Variants in HLA-DRA observed in about 807,000 individuals in gnomAD.
HLA-DRA encodes major histocompatibility complex, class II, DR alpha.
In HLA-DRA, 8 loss-of-function variants were observed where a neutral mutation model predicts 22.1. That is an observed-to-expected ratio of 0.36 (90% CI 0.21 to 0.65). The LOEUF is 0.65. Among genes scored for constraint, HLA-DRA ranks in the 30% least tolerant of loss-of-function variants. HLA-DRA has a pLI of 0.63. For synonymous variants in HLA-DRA, 101 were observed against 117.1 expected, an observed-to-expected ratio of 0.86 and a Z score of 0.89; for missense variants, 248 against 321.3, an observed-to-expected ratio of 0.77 and a Z score of 1.74.
chr6:32,444,424 C>A (rs1423918459), intron 4 of HLA-DRA, among the ~76,000 whole-genome samples: 2 of 152,106 alleles, frequency 1.3e-5, no homozygotes, highest in African/African-American at 4.8e-5. Context: ...GCTTTTGCTT[C>A]TTTAGTCTCA....
At chr6:32,441,762 CT>C (rs1762635509) in intron 1 of HLA-DRA, among the ~76,000 whole-genome samples, 1 of 152,176 alleles carries the variant, frequency 6.6e-6, no homozygotes, top group Admixed American at 6.5e-5. Flanking sequence ...AGAGAAGCTT[CT>C]GACTCTAAAA....
rs1271181795 is a variant in HLA-DRA at position 32,443,807 on chromosome 6, C to T, written c.662C>T (p.Ala221Val). 1.2e-6 allele frequency: 2 copies of T among 1,612,018 alleles called. No homozygotes were observed. Among genetic ancestry groups the T allele is most frequent in the South Asian group, 2.2e-5 (2 of 90,844 alleles). ...GAGACTACAGAGAACGTGGTGTGTG[C>T]CCTGGGCCTGACTGTGGGTCTGGTG... ...LPETTENVVC[A>V]LGLTVGLVGI... is the part of the protein sequence containing the mutation. The change falls in exon 4 of 5, where the codon GCC becomes GTC. Residue 221 changes from alanine (A) to valine (V), a missense_variant. Ala to Val is a moderately conservative substitution (Grantham distance 64, BLOSUM62 0). Transcript: ENST00000395388.
At chr6:32,440,600 G>T (rs886993733) in intron 1 of HLA-DRA, among the ~76,000 whole-genome samples, 2 of 152,202 alleles carry the variant, frequency 1.3e-5, no homozygotes, top group African/African-American at 4.8e-5. Flanking sequence ...GGGAGGGAAG[G>T]CATGCTGATA....
rs754420534 is a variant in HLA-DRA at position 32,442,588 on chromosome 6, C to T, written c.223C>T (p.Arg75Ter). The T allele has an allele frequency of 1.5e-5, 24 of 1,612,932 alleles. No individual in the cohort carries two copies. The highest frequency in any genetic ancestry group is 2.2e-5 in the East Asian group (1 of 44,896). Residue 75 changes from arginine (R) to a stop codon, truncating the protein, a stop_gained, in exon 2 of 5, where the codon CGA (arginine) becomes TGA (stop). Coordinates refer to ENST00000395388, the MANE Select transcript of HLA-DRA (RefSeq NM_019111.5). LOFTEE classifies it high-confidence loss of function. ...GGTCTGGCGGCTTGAAGAATTTGGA[C>T]GATTTGCCAGCTTTGAGGCTCAAGG... ...ETVWRLEEFGRFASFEAQGAL... is the reference protein window; with the variant it reads ...ETVWRLEEFG
intron 4 of HLA-DRA, among the ~76,000 whole-genome samples, chr6:32,444,302 C>T (rs976085104): frequency 6.6e-6 from 1 of 152,162 alleles, no homozygotes; most frequent in African/African-American, 2.4e-5. Flanking sequence ...CACATCCTAG[C>T]TTGTATTTCC....
chr6:32,443,946 G>C, intron 4 of HLA-DRA, 25 bp downstream of exon 4: 1 of 1,477,574 alleles, frequency 6.8e-7, no homozygotes, highest in Non-Finnish European at 9.0e-7. Flanking sequence ...GTCAGAGGAA[G>C]ACGTATATGG....
chr6:32,443,275 C>G lies in HLA-DRA; in HGVS notation c.419C>G (p.Pro140Arg). 6.2e-7 allele frequency: 1 copy of G among 1,612,974 alleles called. No individual in the cohort carries two copies. Among genetic ancestry groups the G allele is most frequent in the Non-Finnish European group, 8.5e-7 (1 of 1,179,958 alleles). The change falls in exon 3 of 5, where the codon CCA becomes CGA. Residue 140 changes from proline to arginine, a missense_variant. Transcript: ENST00000395388. The part of the protein sequence containing the change: ...LICFIDKFTP[P>R]VVNVTWLRNG... ...TGTTTCATAGACAAGTTCACCCCAC[C>G]AGTGGTCAATGTCACGTGGCTTCGA...
chr6:32,444,234 T>C (rs1014227372), intron 4 of HLA-DRA, among the ~76,000 whole-genome samples: 5 of 133,560 alleles, frequency 3.7e-5, no homozygotes, highest in African/African-American at 8.1e-5. Flanking sequence ...ATATGGAGTC[T>C]AGGGATCTAG....
intron 2 of HLA-DRA, 43 bp downstream of exon 2, chr6:32,442,736 G>C: frequency 1.2e-6 from 2 of 1,605,288 alleles, no homozygotes; most frequent in Non-Finnish European, 1.7e-6. Flanking sequence ...GGAATCCATA[G>C]TTTGAAAGTA....
rs1762738063 is a variant in HLA-DRA at position 32,443,382 on chromosome 6, C to G, written c.526C>G (p.Leu176Val). The change falls in exon 3 of 5, where the codon CTC (leucine) becomes GTC (valine). Residue 176 changes from leucine to valine, a missense_variant. Leu to Val is a conservative substitution (Grantham distance 32). Coordinates refer to ENST00000395388, the MANE Select transcript of HLA-DRA (RefSeq NM_019111.5). ...CCACCTTTTCCGCAAGTTCCACTAT[C>G]TCCCCTTCCTGCCCTCAACTGAGGA... ...EDHLFRKFHY[L>V]PFLPSTEDVY... 6.2e-7 allele frequency: 1 copy of G among 1,612,908 alleles called. No homozygotes were observed. Among genetic ancestry groups the G allele is most frequent in the Non-Finnish European group, 8.5e-7 (1 of 1,179,880 alleles).
intron 1 of HLA-DRA, 46 bp from the exon 2 acceptor site, chr6:32,442,402 T>C: frequency 6.2e-7 from 1 of 1,610,304 alleles, no homozygotes; most frequent in East Asian, 2.2e-5. Context: ...TTTCCCTCTC[T>C]TGATTCCCCC....
Position 32,444,917 on chromosome 6 carries a change from A to G in HLA-DRA, c.*277A>G, listed in dbSNP as rs1287255820. The G allele has an allele frequency of 6.5e-6, 1 of 154,334 alleles. No homozygotes were observed. Among genetic ancestry groups the G allele is most frequent in the Non-Finnish European group, 1.5e-5 (1 of 68,214 alleles). 9.6% of individuals were successfully genotyped at this position (154,334 alleles called of 1,614,324 possible). On this transcript the variant is annotated 3_prime_UTR_variant, in exon 5 of 5. Transcript: ENST00000395388. ...TATCACCATGCAATGCCTCTGGAAT[A>G]AAACATACAGGAGTCTGTCTCTGCT...
Position 32,443,389 on chromosome 6 carries a change from T to TC in HLA-DRA, c.535dup (p.Leu179ProfsTer5). The TC allele has an allele frequency of 6.2e-7, 1 of 1,612,948 alleles. No homozygotes were observed. Among genetic ancestry groups the TC allele is most frequent in the Non-Finnish European group, 8.5e-7 (1 of 1,179,912 alleles). On this transcript the variant is annotated frameshift_variant, in exon 3 of 5. Coordinates refer to ENST00000395388, the MANE Select transcript of HLA-DRA (RefSeq NM_019111.5). LOFTEE classifies it high-confidence loss of function. ...TTCCGCAAGTTCCACTATCTCCCCT[T>TC]CCTGCCCTCAACTGAGGACGTTTAC...
In HLA-DRA at chr6:32,443,195, G is replaced by T; in HGVS notation, c.339G>T (p.Glu113Asp). 1 of 1,612,428 alleles carries T rather than the reference G, an allele frequency of 6.2e-7. No homozygotes were observed. Among genetic ancestry groups the T allele is most frequent in the Admixed American group, 1.7e-5 (1 of 60,032 alleles). Residue 113 changes from glutamate to aspartate, a missense_variant, in exon 3 of 5, where the codon GAG becomes GAT. Coordinates refer to ENST00000395388, the MANE Select transcript of HLA-DRA (RefSeq NM_019111.5). ...NYTPITNVPP[E>D]VTVLTNSPVE... Reference sequence around the variant, plus strand: ...TCATGTGTCCCCCAGTACCTCCAGAGGTAACTGTGCTCACAAACAGCCCTG... The same window carrying T: ...TCATGTGTCCCCCAGTACCTCCAGATGTAACTGTGCTCACAAACAGCCCTG...
At position 32,443,796 on chromosome 6, in the gene HLA-DRA, C is replaced by T. The variant is rs11544315; in HGVS notation, c.651C>T (p.Asn217=). The change falls in exon 4 of 5, where the codon AAC becomes AAT. Residue 217 remains asparagine (N), a synonymous_variant. Transcript: ENST00000395388. ...GCCCTCTCCCAGAGACTACAGAGAA[C>T]GTGGTGTGTGCCCTGGGCCTGACTG... The part of the protein sequence containing the change: ...APSPLPETTE[N]VVCALGLTVG... 55,723 of 1,610,698 alleles carry T rather than the reference C, an allele frequency of 0.035. 1,205 individuals carry two copies. Among genetic ancestry groups the T allele is most frequent in the South Asian group, 0.051 (4,589 of 90,610 alleles).
intron 3 of HLA-DRA, 43 bp downstream of exon 3, chr6:32,443,509 C>T (rs60110771): frequency 0.013 from 20,447 of 1,549,468 alleles, 700 homozygotes; most frequent in South Asian, 0.093. Flanking sequence ...AGGTTTCCTC[C>T]TATGATGCTT....
rs557064975 is a variant in HLA-DRA at position 32,441,251 on chromosome 6, G to A, written c.83-1197G>A. 1.8e-3 allele frequency among the ~76,000 whole-genome samples: 271 copies of A among 152,246 alleles called. 1 individual carries two copies. The highest frequency in any genetic ancestry group is 6.8e-3 in the Middle Eastern group (2 of 294). On this transcript the variant is annotated intron_variant, in intron 1 of 4. Coordinates refer to ENST00000395388, the MANE Select transcript of HLA-DRA (RefSeq NM_019111.5). ...CACACGCCTGTAGTCCCAGCTACTC[G>A]GGAGGCTGAGGCAGGAGGATTGCTT...
chr6:32,443,977 CAG>C, intron 4 of HLA-DRA, 56 bp downstream of exon 4: 1 of 1,309,246 alleles, frequency 7.6e-7, no homozygotes, highest in African/African-American at 1.5e-5. Context: ...GGGAGGAAAA[CAG>C]GGTGGGGAAA....
rs1348828850 is a variant in HLA-DRA at position 32,442,571 on chromosome 6, G to A, written c.206G>A (p.Arg69Gln). 6.2e-7 allele frequency: 1 copy of A among 1,613,000 alleles called. No homozygotes were observed. Among genetic ancestry groups the A allele is most frequent in the Non-Finnish European group, 8.5e-7 (1 of 1,180,030 alleles). ...VDMAKKETVW[R>Q]LEEFGRFASF... ...ATGGCAAAGAAGGAGACGGTCTGGC[G>A]GCTTGAAGAATTTGGACGATTTGCC... The change falls in exon 2 of 5, where the codon CGG becomes CAG. Residue 69 changes from arginine to glutamine, a missense_variant. Coordinates refer to ENST00000395388, the MANE Select transcript of HLA-DRA (RefSeq NM_019111.5).
Sources: gnomAD v4.1 joint callset for allele counts (sites outside exome capture counted in the v4.1 genomes callset) on GRCh38, gnomAD v4.1.1 for gene constraint, MANE v1.5 for transcripts, NCBI Gene and HGNC (gene_info 2026-07-23, HGNC 2026-07-21) for gene names.